Variants in NWD2 observed in about 807,000 individuals in gnomAD.
NWD2 encodes the protein NACHT and WD repeat domain containing 2.
NWD2 carries 37 observed loss-of-function variants against 132.7 expected under a neutral mutation model. The observed-to-expected ratio is 0.28, with a 90% CI of 0.21 to 0.37. The LOEUF (loss-of-function observed/expected upper bound fraction) is 0.37, where lower values mean the gene tolerates loss of function less well. NWD2 is among the 10% of genes least tolerant of loss of function. NWD2 has a pLI of 1.00. For synonymous variants in NWD2, 705 were observed against 803.0 expected, an observed-to-expected ratio of 0.88 and a Z score of 2.06; for missense variants, 1,592 against 2,122.4, an observed-to-expected ratio of 0.75 and a Z score of 4.91.
intron 3 of NWD2, among the ~76,000 whole-genome samples, chr4:37,394,576 A>T (rs1250483036): frequency 6.6e-6 from 1 of 152,162 alleles, no homozygotes; most frequent in Non-Finnish European, 1.5e-5. Flanking sequence ...GCTATGTATA[A>T]GCCATGGCAC....
Position 37,443,271 on chromosome 4 carries a change from CT to C in NWD2, c.1297-10del. On this transcript the variant is annotated splice_polypyrimidine_tract_variant and intron_variant, in intron 6 of 6. Transcript: ENST00000309447. This position sits in a 1 kb window ranked among gnomAD's most constrained non-coding sequence, Gnocchi z 4.1. Reference sequence around the variant, plus strand: ...ATACATATTACCATTCTAAACTCCACTTTTGTGTTTCAGGCTTATGGCTGGC... The same window carrying C: ...ATACATATTACCATTCTAAACTCCACTTTGTGTTTCAGGCTTATGGCTGGC... 1 of 1,542,782 alleles carries C rather than the reference CT, an allele frequency of 6.5e-7. No homozygotes were observed. The highest frequency in any genetic ancestry group is 1.2e-5 in the South Asian group (1 of 83,712).
At chr4:37,404,498 T>C (rs1301525608) in intron 3 of NWD2, among the ~76,000 whole-genome samples, 1 of 152,180 alleles carries the variant, frequency 6.6e-6, no homozygotes, top group Non-Finnish European at 1.5e-5. Context: ...TCTGATTAGT[T>C]CCATCTTCTC....
At chr4:37,288,774 A>AC (rs1237231646) in intron 1 of NWD2, among the ~76,000 whole-genome samples, 112 of 152,318 alleles carry the variant, frequency 7.4e-4, no homozygotes, top group African/African-American at 2.6e-3. Flanking sequence ...ACAATGGTAA[A>AC]CAATAGATCT....
chr4:37,414,240 A>G (rs539409309), intron 3 of NWD2, among the ~76,000 whole-genome samples: 1 of 152,350 alleles, frequency 6.6e-6, no homozygotes, highest in Admixed American at 6.5e-5. Context: ...ATCAAATGAT[A>G]GGATTCTGAA....
intron 3 of NWD2, among the ~76,000 whole-genome samples, chr4:37,382,350 T>G (rs1403812324): frequency 6.6e-6 from 1 of 152,150 alleles, no homozygotes; most frequent in Non-Finnish European, 1.5e-5. Context: ...TGAACCTAGA[T>G]TTATTTAAGA....
At chr4:37,263,281 C>T (rs1309419566) in intron 1 of NWD2, among the ~76,000 whole-genome samples, 1 of 152,128 alleles carries the variant, frequency 6.6e-6, no homozygotes, top group Non-Finnish European at 1.5e-5. Flanking sequence ...AAGAATCATA[C>T]TGACTATTTT....
chr4:37,334,475 G>A (rs552826484), intron 2 of NWD2, among the ~76,000 whole-genome samples: 49 of 152,196 alleles, frequency 3.2e-4, no homozygotes, highest in African/African-American at 1.2e-3. Flanking sequence ...CTTCCTATCA[G>A]ACATACCCTT....
intron 1 of NWD2, among the ~76,000 whole-genome samples, chr4:37,271,002 T>A (rs78077504): frequency 0.013 from 1,984 of 151,960 alleles, 38 homozygotes; most frequent in African/African-American, 0.045. Context: ...AAAGACTTTC[T>A]TTTCCCCCAT....
intron 1 of NWD2, among the ~76,000 whole-genome samples, chr4:37,263,315 A>G (rs754968567): frequency 6.6e-6 from 1 of 152,178 alleles, no homozygotes; most frequent in Non-Finnish European, 1.5e-5. Flanking sequence ...AGGAACATTA[A>G]TGCATGGACA....
chr4:37,273,280 C>T (rs1202994909), intron 1 of NWD2, among the ~76,000 whole-genome samples: 1 of 151,926 alleles, frequency 6.6e-6, no homozygotes, highest in Non-Finnish European at 1.5e-5. Flanking sequence ...GGGTTGCAAT[C>T]CTAGGCTCTG....
intron 3 of NWD2, among the ~76,000 whole-genome samples, chr4:37,414,837 A>G (rs186232092): frequency 1.3e-5 from 2 of 152,304 alleles, no homozygotes; most frequent in South Asian, 2.1e-4. Flanking sequence ...TACCCTTCCA[A>G]TTTCTTTACT....
In NWD2 at chr4:37,446,717, C is replaced by A; in HGVS notation, c.4729C>A (p.Arg1577Ser). ...IWRQRLSRDG[R>S]YLVYICFRNG... The stretch of plus-strand genomic sequence containing the variant: ...GCGGCAGAGGTTGTCTCGGGATGGT[C>A]GCTACCTGGTATACATTTGTTTCCG... Residue 1577 changes from arginine to serine, a missense_variant, in exon 7 of 7, where the codon CGC becomes AGC. Around this residue, in one of 7 missense-constraint regions of NWD2, gnomAD observed 257 missense variants for 335.0 expected, o/e 0.77. Transcript: ENST00000309447. This position sits in a 1 kb window ranked among gnomAD's most constrained non-coding sequence, Gnocchi z 6.7. The A allele has an allele frequency of 6.4e-7, 1 of 1,551,116 alleles. No homozygotes were observed. Among genetic ancestry groups the A allele is most frequent in the Non-Finnish European group, 8.7e-7 (1 of 1,146,910 alleles).
chr4:37,359,366 G>A (rs556040147), intron 3 of NWD2, among the ~76,000 whole-genome samples: 130 of 152,110 alleles, frequency 8.5e-4, no homozygotes, highest in African/African-American at 3.0e-3. Context: ...CACAAGGCTT[G>A]TATCTCACAG....
chr4:37,378,048 A>C (rs565156844), intron 3 of NWD2, among the ~76,000 whole-genome samples: 1 of 152,200 alleles, frequency 6.6e-6, no homozygotes, highest in Non-Finnish European at 1.5e-5. Context: ...TTAATCATTA[A>C]ACATTTTAGG....
chr4:37,257,939 G>A (rs1717553001), intron 1 of NWD2, among the ~76,000 whole-genome samples: 1 of 152,160 alleles, frequency 6.6e-6, no homozygotes, highest in African/African-American at 2.4e-5. Flanking sequence ...TAAAAAGTTT[G>A]CACTTTCACC....
At chr4:37,357,626 C>G (rs1022744892) in intron 3 of NWD2, among the ~76,000 whole-genome samples, 8 of 152,032 alleles carry the variant, frequency 5.3e-5, no homozygotes, top group African/African-American at 1.9e-4. Flanking sequence ...AGGATTCAAC[C>G]TTAGAATTGA....
chr4:37,288,975 G>C (rs536605334), intron 1 of NWD2, among the ~76,000 whole-genome samples: 1 of 149,284 alleles, frequency 6.7e-6, no homozygotes, highest in Non-Finnish European at 1.5e-5. Flanking sequence ...AAATATACTA[G>C]TAATTGACTT....
intron 2 of NWD2, among the ~76,000 whole-genome samples, chr4:37,348,573 T>C (rs1253051375): frequency 1.2e-5 from 1 of 84,096 alleles, no homozygotes; most frequent in Non-Finnish European, 2.3e-5. Context: ...CTTTTCTTTT[T>C]CCTTTTTCTT....
chr4:37,264,415 TA>T (rs1387605320), intron 1 of NWD2, among the ~76,000 whole-genome samples: 2 of 152,182 alleles, frequency 1.3e-5, no homozygotes, highest in Non-Finnish European at 2.9e-5. Context: ...AATTTTTTCA[TA>T]ACCAGCTGAC....
Sources: allele counts gnomAD v4.1 joint callset (sites outside exome capture counted in the v4.1 genomes callset), GRCh38; gene constraint gnomAD v4.1.1; regional missense constraint gnomAD v4.1.1; non-coding constraint Gnocchi (gnomAD v3.1); transcripts MANE v1.5; gene names NCBI Gene and HGNC (gene_info 2026-07-23, HGNC 2026-07-21).